Variants in CFAP91 observed in about 807,000 individuals in gnomAD.
CFAP91 encodes the protein cilia- and flagella-associated protein 91.
In CFAP91, 85 loss-of-function variants were observed where a neutral mutation model predicts 95.9. The observed-to-expected ratio is 0.89, with a 90% CI of 0.74 to 1.06. CFAP91 has a LOEUF of 1.06. CFAP91 is among the 50% of genes least tolerant of loss of function. CFAP91 has a pLI of 0.00. For synonymous variants in CFAP91, 335 were observed against 327.5 expected (o/e 1.02, Z -0.25); for missense variants, 962 against 943.4 (o/e 1.02, Z -0.26).
At chr3:119,733,616 C>G (rs2053944640) in intron 10 of CFAP91, 110 bp downstream of exon 10, 1 of 1,102,872 alleles carries the variant, frequency 9.1e-7, no homozygotes, top group African/African-American at 1.6e-5. Flanking sequence ...GACCTACATT[C>G]TCTGCTCTGC....
chr3:119,760,339 A>G (rs2054515722), intron 17 of CFAP91, among the ~76,000 whole-genome samples: 1 of 151,908 alleles, frequency 6.6e-6, no homozygotes, highest in African/African-American at 2.4e-5. Context: ...AGGCTTTAAC[A>G]ATTATAAATA....
chr3:119,752,827 A>C (rs893825944), intron 17 of CFAP91, among the ~76,000 whole-genome samples: 4 of 152,230 alleles, frequency 2.6e-5, no homozygotes, highest in African/African-American at 4.8e-5. Context: ...GATAATTATA[A>C]AATCTAGTTG....
At chr3:119,722,964 A>G (rs138109867) in intron 6 of CFAP91, among the ~76,000 whole-genome samples, 1 of 152,356 alleles carries the variant, frequency 6.6e-6, no homozygotes, top group Non-Finnish European at 1.5e-5. Context: ...GCTTGAATAG[A>G]TAAGACTTCT....
intron 7 of CFAP91, among the ~76,000 whole-genome samples, chr3:119,728,224 A>G (rs1356839497): frequency 1.3e-5 from 2 of 152,188 alleles, no homozygotes; most frequent in African/African-American, 4.8e-5. Context: ...AGGGCTTACT[A>G]TGTGCCAGAT....
intron 14 of CFAP91, among the ~76,000 whole-genome samples, chr3:119,746,786 C>T (rs745643568): frequency 1.3e-5 from 2 of 152,182 alleles, no homozygotes; most frequent in Non-Finnish European, 2.9e-5. Context: ...GACCAAGTCA[C>T]GTTGCTGGTA....
chr3:119,705,907 A>C (rs2053350314), intron 1 of CFAP91: 1 of 152,206 alleles, frequency 6.6e-6, no homozygotes, highest in Admixed American at 6.5e-5. Context: ...AGTAAATCGT[A>C]TTTGTTGGGT....
rs2053940614 is a variant in CFAP91, at chr3:119,733,406, A to G, written c.1244A>G (p.Gln415Arg). The change falls in exon 10 of 18, where the codon CAA becomes CGA. Residue 415 changes from glutamine to arginine, a missense_variant. Coordinates refer to ENST00000273390, the MANE Select transcript of CFAP91 (RefSeq NM_033364.4). ...LESCLPDFVTQPQIRAPKPKV... is the reference protein window; with the variant it reads ...LESCLPDFVTRPQIRAPKPKV... ...TCATGTCTCCCAGATTTTGTGACAC[A>G]ACCCCAAATCAGAGCTCCAAAACCT... 1.9e-6 allele frequency: 3 copies of G among 1,614,138 alleles called. No individual in the cohort carries two copies. The highest frequency in any genetic ancestry group is 2.5e-6 in the Non-Finnish European group (3 of 1,179,980).
chr3:119,729,793 A>G (rs1214014378), intron 7 of CFAP91, among the ~76,000 whole-genome samples: 5 of 152,244 alleles, frequency 3.3e-5, no homozygotes, highest in South Asian at 4.1e-4. Flanking sequence ...TTGAGTACCT[A>G]TTATATGCCA....
intron 5 of CFAP91, among the ~76,000 whole-genome samples, chr3:119,712,411 A>G (rs943891876): frequency 1.3e-5 from 2 of 152,186 alleles, no homozygotes; most frequent in Non-Finnish European, 2.9e-5. Context: ...ATTTGATCAC[A>G]TGGTTCAAAT....
At chr3:119,704,366 C>T (rs1398615174) in intron 1 of CFAP91, among the ~76,000 whole-genome samples, 1 of 152,144 alleles carries the variant, frequency 6.6e-6, no homozygotes, top group Non-Finnish European at 1.5e-5. Context: ...ATAAAACAAT[C>T]TCGCCGCTAG....
rs79200752 is a variant in CFAP91 at position 119,720,722 on chromosome 3, A to G, written c.682+4979A>G. Among the ~76,000 whole-genome samples the G allele has an allele frequency of 7.4e-3, 1,130 of 152,346 alleles. 9 individuals carry two copies. Among genetic ancestry groups the G allele is most frequent in the Middle Eastern group, 0.034 (10 of 294 alleles). Reference sequence around the variant, plus strand: ...AATGAGGACAGTACAGTTATTACTTAGTATTGGTAGCACATTGATTTTAGG... The same window carrying G: ...AATGAGGACAGTACAGTTATTACTTGGTATTGGTAGCACATTGATTTTAGG... On this transcript the variant is annotated intron_variant, in intron 6 of 17. Transcript: ENST00000273390.
chr3:119,719,324 CT>C (rs2053637405), intron 6 of CFAP91, among the ~76,000 whole-genome samples: 1 of 152,104 alleles, frequency 6.6e-6, no homozygotes, highest in Non-Finnish European at 1.5e-5. Context: ...CATGGGCATT[CT>C]AGTGTTCTGG....
chr3:119,744,532 G>C (rs1439639928), intron 14 of CFAP91, among the ~76,000 whole-genome samples: 3 of 152,172 alleles, frequency 2.0e-5, no homozygotes, highest in Non-Finnish European at 4.4e-5. Flanking sequence ...GGACAGAGGG[G>C]GAACAAGGCG....
chr3:119,734,370 C>T (rs150967719), intron 10 of CFAP91, among the ~76,000 whole-genome samples: 5 of 152,270 alleles, frequency 3.3e-5, no homozygotes, highest in Non-Finnish European at 5.9e-5. Flanking sequence ...CTCATCCCCA[C>T]GCCCCCATCT....
intron 16 of CFAP91, chr3:119,750,667 G>A: frequency 2.2e-6 from 1 of 459,816 alleles, no homozygotes; most frequent in South Asian, 2.3e-5. Flanking sequence ...ACTTCCTGGA[G>A]GATCTTGGAC....
At chr3:119,721,318 C>A (rs929779409) in intron 6 of CFAP91, among the ~76,000 whole-genome samples, 1 of 152,132 alleles carries the variant, frequency 6.6e-6, no homozygotes, top group African/African-American at 2.4e-5. Flanking sequence ...AAACTGGGAG[C>A]AGAAGGAAAC....
chr3:119,707,573 G>A lies in CFAP91; in HGVS notation c.359+12G>A. Reference sequence around the variant, plus strand: ...CGGCAGCTCACCACGTAAGTGTCGGGTGGCTCCAGGGCCTAAAATAAATGC... The same window carrying A: ...CGGCAGCTCACCACGTAAGTGTCGGATGGCTCCAGGGCCTAAAATAAATGC... On this transcript the variant is annotated intron_variant, in intron 3 of 17. Coordinates refer to ENST00000273390, the MANE Select transcript of CFAP91 (RefSeq NM_033364.4). 1 of 1,546,992 alleles carries A rather than the reference G, an allele frequency of 6.5e-7. No individual in the cohort carries two copies. Among genetic ancestry groups the A allele is most frequent in the Non-Finnish European group, 8.8e-7 (1 of 1,135,662 alleles).
chr3:119,733,578 T>C (rs2053943988), intron 10 of CFAP91, 72 bp downstream of exon 10: 2 of 1,501,840 alleles, frequency 1.3e-6, no homozygotes, highest in African/African-American at 1.4e-5. Context: ...CTCCAAAAAT[T>C]GCAGCAATGT....
intron 17 of CFAP91, among the ~76,000 whole-genome samples, chr3:119,763,646 A>G (rs1201444184): frequency 6.6e-6 from 1 of 152,046 alleles, no homozygotes; most frequent in Non-Finnish European, 1.5e-5. Flanking sequence ...AAATCCTGTC[A>G]TTTGCAGCAA....
Sources: gnomAD v4.1 joint callset for allele counts (sites outside exome capture counted in the v4.1 genomes callset) on GRCh38, gnomAD v4.1.1 for gene constraint, MANE v1.5 for transcripts, NCBI Gene and HGNC (gene_info 2026-07-23, HGNC 2026-07-21) for gene names.